AP3D1: variants seen among roughly 807,000 people sequenced by gnomAD.
The protein encoded by AP3D1 is adaptor related protein complex 3 subunit delta 1, also known as AP-3 complex subunit delta-1.
AP3D1 carries 51 observed loss-of-function variants against 147.6 expected under a neutral mutation model. That is an observed-to-expected ratio of 0.35 (90% confidence interval 0.28 to 0.44). AP3D1 has a LOEUF of 0.44. Among genes scored for constraint, AP3D1 ranks in the 20% least tolerant of loss-of-function variants. AP3D1 has a pLI of 1.00. For synonymous variants in AP3D1, 760 were observed against 663.0 expected (o/e 1.15, Z -2.25); for missense variants, 1,421 against 1,624.2 (o/e 0.87, Z 2.15).
intron 14 of AP3D1, 118 bp from the exon 15 acceptor site, chr19:2,118,950 T>G: frequency 3.3e-6 from 3 of 919,140 alleles, no homozygotes; most frequent in Non-Finnish European, 4.9e-6. Flanking sequence ...GCCCTTCCCA[T>G]TCCCTGAGCG....
At chr19:2,108,201 A>C (rs1037915073) in intron 31 of AP3D1, among the ~76,000 whole-genome samples, 2 of 152,212 alleles carry the variant, frequency 1.3e-5, no homozygotes, top group East Asian at 3.8e-4. Flanking sequence ...AAGAAAACTA[A>C]AGACCCAACT....
Position 2,114,819 on chromosome 19 carries a change from A to G in AP3D1, c.2352T>C (p.Asn784=). 1.2e-6 allele frequency: 2 copies of G among 1,613,890 alleles called. No individual in the cohort carries two copies. The highest frequency in any genetic ancestry group is 1.7e-6 in the Non-Finnish European group (2 of 1,179,898). ...VDIVTEEMPE[N]ALPSDEDDKD... ...TGTCATCCTCGTCGCTGGGCAGAGC[A>G]TTCTGACAGGAAGAGAGGAACCCCA... Residue 784 remains asparagine, a splice_region_variant and synonymous_variant, in exon 21 of 32, where the codon AAT becomes AAC. Transcript: ENST00000643116.
upstream of AP3D1, among the ~76,000 whole-genome samples, chr19:2,153,540 G>GT (rs1191121352): frequency 2.6e-5 from 4 of 152,030 alleles, no homozygotes; most frequent in African/African-American, 4.8e-5. Flanking sequence ...GTCAGGCATG[G>GT]TTGTGGGCAC....
At chr19:2,152,246 A>AG (rs2019552910), upstream of AP3D1, among the ~76,000 whole-genome samples, 1 of 151,978 alleles carries the variant, frequency 6.6e-6, no homozygotes, top group Non-Finnish European at 1.5e-5. Flanking sequence ...TGTAAAAAAA[A>AG]GCTCTGGAAA....
At chr19:2,150,915 C>T (rs1248048168) in intron 1 of AP3D1, among the ~76,000 whole-genome samples, 1 of 152,184 alleles carries the variant, frequency 6.6e-6, no homozygotes, top group Non-Finnish European at 1.5e-5. Flanking sequence ...AGAGAGTAAA[C>T]TGAGGGTCCA....
intron 19 of AP3D1, 40 bp downstream of exon 19, chr19:2,115,498 C>T: frequency 2.5e-6 from 4 of 1,611,204 alleles, no homozygotes; most frequent in Non-Finnish European, 3.4e-6. Context: ...CCCCACAGCC[C>T]ATGTGACAAA....
At chr19:2,109,572 C>T in intron 29 of AP3D1, 1 of 495,948 alleles carries the variant, frequency 2.0e-6, no homozygotes, top group Non-Finnish European at 3.6e-6. Context: ...CCAAGCCGTG[C>T]CGAGGAGAGG....
chr19:2,127,077 C>A, intron 9 of AP3D1, 75 bp downstream of exon 9: 4 of 1,499,330 alleles, frequency 2.7e-6, no homozygotes, highest in Non-Finnish European at 3.7e-6. Flanking sequence ...CCAGGCCTGG[C>A]GCCCTCCTGT....
chr19:2,149,518 G>A (rs1480235449), intron 1 of AP3D1, among the ~76,000 whole-genome samples: 21 of 151,344 alleles, frequency 1.4e-4, no homozygotes, highest in African/African-American at 4.1e-4. Context: ...ACTCCGGCCT[G>A]GGCAACAAGA....
intron 30 of AP3D1, 159 bp downstream of exon 30, chr19:2,108,927 C>A: frequency 3.8e-6 from 5 of 1,316,154 alleles, no homozygotes; most frequent in South Asian, 1.4e-5. Flanking sequence ...GGGAATGCAG[C>A]CCCCGCACCA....
Position 2,116,460 on chromosome 19 carries a change from C to T in AP3D1, c.2001+145G>A, listed in dbSNP as rs75884012. On this transcript the variant is annotated intron_variant, in intron 17 of 31. Transcript: ENST00000643116. ...GAGCACGTATTGGGGGAAAAGGAAT[C>T]GCTAACGCTCTGGGAGGCAGGGACG... The T allele has an allele frequency of 1.3e-3, 1,573 of 1,255,604 alleles. 13 individuals carry two copies. In the African/African-American group the frequency reaches 0.02, roughly 16 times the overall value. The allele number at this position is 1,255,604 out of a possible 1,614,324, so 77.8% of individuals were successfully genotyped here. A position where few individuals can be genotyped will look rare whatever the true frequency, so the allele number is the denominator to read the frequency against.
chr19:2,150,737 C>T (rs532093185), intron 1 of AP3D1, among the ~76,000 whole-genome samples: 4 of 152,346 alleles, frequency 2.6e-5, no homozygotes, highest in Admixed American at 2.6e-4. Context: ...GCCCAGGACC[C>T]CCTGCCTCGG....
intron 30 of AP3D1, 68 bp from the exon 31 acceptor site, chr19:2,108,834 G>C (rs1308005264): frequency 1.3e-6 from 2 of 1,508,822 alleles, no homozygotes; most frequent in South Asian, 1.2e-5. Flanking sequence ...CCCAGAGCAG[G>C]GGCCACCTTC....
At chr19:2,151,710 CCT>C (rs1379679479), upstream of AP3D1, among the ~76,000 whole-genome samples, 5 of 152,214 alleles carry the variant, frequency 3.3e-5, no homozygotes, top group Non-Finnish European at 7.3e-5. Flanking sequence ...AAATGTGGCA[CCT>C]CTTTCTCCTG....
At chr19:2,115,658 C>T in intron 18 of AP3D1, 45 bp from the exon 19 acceptor site, 1 of 1,583,654 alleles carries the variant, frequency 6.3e-7, no homozygotes, top group African/African-American at 1.3e-5. Flanking sequence ...CGAGGGGTGA[C>T]ACACGTGCAA....
At position 2,111,349 on chromosome 19, in the gene AP3D1, C is replaced by G; in HGVS notation, c.2938-17G>C. 1 of 1,613,812 alleles carries G rather than the reference C, an allele frequency of 6.2e-7. No individual in the cohort carries two copies. The highest frequency in any genetic ancestry group is 8.5e-7 in the Non-Finnish European group (1 of 1,180,010). ...GGACTCAGGCTGGAAATAGAAAAGG[C>G]GCATCAGCCTTGGGGGCCCCGAGCT... On this transcript the variant is annotated splice_polypyrimidine_tract_variant and intron_variant, in intron 25 of 31. Coordinates refer to ENST00000643116, the MANE Select transcript of AP3D1 (RefSeq NM_001261826.3).
At chr19:2,153,057 T>TA (rs34417814), upstream of AP3D1, among the ~76,000 whole-genome samples, 7,278 of 113,944 alleles carry the variant, frequency 0.064, 415 homozygotes, top group East Asian at 0.25. Flanking sequence ...ACACCCATCT[T>TA]AAAAAAAAAA....
intron 1 of AP3D1, among the ~76,000 whole-genome samples, chr19:2,150,127 G>A (rs928156906): frequency 3.3e-5 from 5 of 152,220 alleles, no homozygotes; most frequent in African/African-American, 1.2e-4. Context: ...CAGAGAGAGG[G>A]ACATGGGCTG....
chr19:2,131,816 C>T (rs1010259604), intron 5 of AP3D1, among the ~76,000 whole-genome samples: 2 of 116,258 alleles, frequency 1.7e-5, no homozygotes, highest in Non-Finnish European at 3.4e-5. Context: ...GATCTAGACA[C>T]CTCCGGGCGG....
Sources: gnomAD v4.1 joint callset for allele counts (sites outside exome capture counted in the v4.1 genomes callset) on GRCh38, gnomAD v4.1.1 for gene constraint, MANE v1.5 for transcripts, NCBI Gene and HGNC (gene_info 2026-07-23, HGNC 2026-07-21) for gene names.